Variants in SLC31A2 observed in about 807,000 individuals in gnomAD.
SLC31A2 encodes solute carrier family 31 member 2.
Under a neutral mutation model 14.4 loss-of-function variants are expected in SLC31A2, and 16 were observed. The ratio of observed to expected loss-of-function variants is 1.11; its 90% confidence interval spans 0.75 to 1.69. The LOEUF (loss-of-function observed/expected upper bound fraction) is 1.69. Ranked by LOEUF, SLC31A2 falls within the 40% of genes most tolerant of loss-of-function variation. The probability of loss-of-function intolerance (pLI) is 0.00; values close to 1 mark genes in which losing one functional copy is unlikely to be tolerated. For missense variants in SLC31A2, 140 were observed against 173.9 expected (o/e 0.81, Z 1.10); for synonymous variants, 56 against 68.7 (o/e 0.82, Z 0.91).
At chr9:113,153,405 A>G (rs72756152) in intron 1 of SLC31A2, among the ~76,000 whole-genome samples, 9,874 of 152,148 alleles carry the variant, frequency 0.065, 398 homozygotes, top group South Asian at 0.13. Context: ...CATGGTTCCT[A>G]TGATTTCTCA....
Position 113,157,751 on chromosome 9 carries a change from G to A in SLC31A2, c.31G>A (p.Ala11Thr). MAMHFIFSDTAVLLFDFWSVH... is the reference protein window; with the variant it reads MAMHFIFSDTTVLLFDFWSVH... ...GATGCATTTCATCTTCTCAGATACA[G>A]CGGTGCTTCTGTTTGATTTCTGGAG... Residue 11 changes from alanine to threonine, a missense_variant, in exon 2 of 4, where the codon GCG (alanine) becomes ACG (threonine). By Grantham distance (58) the Ala-to-Thr change is moderately conservative (BLOSUM62 0). Coordinates refer to ENST00000259392, the MANE Select transcript of SLC31A2 (RefSeq NM_001860.3). 6.2e-7 allele frequency: 1 copy of A among 1,613,188 alleles called. No homozygotes were observed. Among genetic ancestry groups the A allele is most frequent in the Non-Finnish European group, 8.5e-7 (1 of 1,179,532 alleles).
intron 2 of SLC31A2, 180 bp downstream of exon 2, chr9:113,157,973 A>G: frequency 1.5e-6 from 1 of 684,958 alleles, no homozygotes; most frequent in Non-Finnish European, 2.7e-6. Context: ...TCAGATCGCA[A>G]AGGGCTCCAT....
At chr9:113,159,739 C>G (rs1047056455) in intron 2 of SLC31A2, among the ~76,000 whole-genome samples, 1 of 152,208 alleles carries the variant, frequency 6.6e-6, no homozygotes, top group Non-Finnish European at 1.5e-5. Context: ...AAGGCTGCCC[C>G]CTGCTTCAGG....
chr9:113,155,080 C>T (rs1032856753), intron 1 of SLC31A2, among the ~76,000 whole-genome samples: 12 of 152,192 alleles, frequency 7.9e-5, no homozygotes, highest in Admixed American at 7.9e-4. Flanking sequence ...AACAACCGAA[C>T]GACAGCACAG....
chr9:113,153,245 G>A (rs745314277), intron 1 of SLC31A2, among the ~76,000 whole-genome samples: 3 of 151,446 alleles, frequency 2.0e-5, no homozygotes, highest in African/African-American at 7.3e-5. Context: ...GGGGTGGGGG[G>A]TAAAAGCTAT....
chr9:113,151,053 G>A lies in SLC31A2; in HGVS notation c.-22G>A. The A allele has an allele frequency of 7.7e-7, 1 of 1,306,732 alleles. No homozygotes were observed. Among genetic ancestry groups the A allele is most frequent in the Non-Finnish European group, 9.8e-7 (1 of 1,021,368 alleles). The allele number at this position is 1,306,732 out of a possible 1,614,324, so 80.9% of individuals were successfully genotyped here. A position where few individuals can be genotyped will look rare whatever the true frequency, so the allele number is the denominator to read the frequency against. ...ACCCGAGCGAGCAGACGCGGCCCTG[G>A]CGCCCGCCCTGCGCACTCACCATGG... On this transcript the variant is annotated 5_prime_UTR_variant, in exon 1 of 4. Transcript: ENST00000259392. The surrounding 1 kb of genome is among the most constrained non-coding windows in gnomAD (Gnocchi z 4.2).
Position 113,161,798 on chromosome 9 carries a change from C to T in SLC31A2, c.263+100C>T, listed in dbSNP as rs557611014. The T allele has an allele frequency of 6.7e-6, 9 of 1,345,970 alleles. No individual in the cohort carries two copies. In the African/African-American group the frequency reaches 8.6e-5, roughly 13 times the overall value. The allele number at this position is 1,345,970 out of a possible 1,614,324, so 83.4% of individuals were successfully genotyped here. ...TAGCCCCACTTCACAGAGAGGACAG[C>T]GAGGCCCAGGGAAGGACCAGGACTT... On this transcript the variant is annotated intron_variant, in intron 3 of 3. Coordinates refer to ENST00000259392, the MANE Select transcript of SLC31A2 (RefSeq NM_001860.3).
rs1470669044 is a variant in SLC31A2 at position 113,163,608 on chromosome 9, T to C, written c.*691T>C. On this transcript the variant is annotated 3_prime_UTR_variant, in exon 4 of 4. Transcript: ENST00000259392. ...CTATTTCCCTTTCTTGGGGAGAGAA[T>C]AAGTGACAGCTGATTAAAGGCAGAG... 2 of 152,422 alleles carry C rather than the reference T, an allele frequency of 1.3e-5. No individual in the cohort carries two copies. Among genetic ancestry groups the C allele is most frequent in the African/African-American group, 4.8e-5 (2 of 41,418 alleles). The allele number at this position is 152,422 out of a possible 1,614,324, so 9.4% of individuals were successfully genotyped here.
Position 113,161,598 on chromosome 9 carries a change from C to A in SLC31A2, c.163C>A (p.Leu55Met). 6.2e-7 allele frequency: 1 copy of A among 1,614,024 alleles called. No homozygotes were observed. The highest frequency in any genetic ancestry group is 8.5e-7 in the Non-Finnish European group (1 of 1,179,882). Residue 55 changes from leucine (L) to methionine (M), a missense_variant, in exon 3 of 4, where the codon CTG becomes ATG. By Grantham distance (15) the Leu-to-Met change is conservative. Transcript: ENST00000259392. ...VGKAKLLNQVLVNLPTSISQQ... is the reference protein window; with the variant it reads ...VGKAKLLNQVMVNLPTSISQQ... ...CAAAGCCAAGCTGCTCAACCAGGTA[C>A]TGGTGAACCTGCCAACCTCCATCAG...
intron 3 of SLC31A2, 104 bp from the exon 4 acceptor site, chr9:113,162,645 A>G (rs147146336): frequency 1.8e-5 from 19 of 1,056,364 alleles, no homozygotes; most frequent in Middle Eastern, 2.9e-4. Context: ...TTATAAATCA[A>G]TCGGGTCACG....
In SLC31A2 at chr9:113,163,725, A is replaced by G. The variant is rs1387017132; in HGVS notation, c.*808A>G. ...CTGCCTGCAGGAAGAAGATGATCTG[A>G]TGGCCGTGGGTGTCTGGGAAGCTCT... On this transcript the variant is annotated 3_prime_UTR_variant, in exon 4 of 4. Transcript: ENST00000259392. 2.0e-5 allele frequency: 3 copies of G among 152,448 alleles called. No individual in the cohort carries two copies. Among genetic ancestry groups the G allele is most frequent in the Admixed American group, 2.0e-4 (3 of 15,286 alleles). The allele number at this position is 152,448 out of a possible 1,614,324, so 9.4% of individuals were successfully genotyped here.
rs1320771120 is a variant in SLC31A2 at position 113,157,713 on chromosome 9, C to T, written c.7-14C>T. Reference sequence around the variant, plus strand: ...GCCCTGTGCCCCTATGATGCAGATTCCTTTCTCTTTCAGATGCATTTCATC... The same window carrying T: ...GCCCTGTGCCCCTATGATGCAGATTTCTTTCTCTTTCAGATGCATTTCATC... On this transcript the variant is annotated splice_polypyrimidine_tract_variant and intron_variant, in intron 1 of 3. Coordinates refer to ENST00000259392, the MANE Select transcript of SLC31A2 (RefSeq NM_001860.3). 6.2e-7 allele frequency: 1 copy of T among 1,607,520 alleles called. No homozygotes were observed.
chr9:113,161,911 G>A, intron 3 of SLC31A2: 1 of 668,506 alleles, frequency 1.5e-6, no homozygotes, highest in South Asian at 1.6e-5. Flanking sequence ...CCAGCCACTT[G>A]AGAGGCTCAG....
At chr9:113,152,078 G>GGCTAGGCTGGGAA (rs1829874580) in intron 1 of SLC31A2, 1 of 152,246 alleles carries the variant, frequency 6.6e-6, no homozygotes, top group African/African-American at 2.4e-5. Flanking sequence ...CCTAGCAACT[G>GGCTAGGCTGGGAA]GGACCTTCAT....
At position 113,162,820 on chromosome 9, in the gene SLC31A2, T is replaced by C; in HGVS notation, c.335T>C (p.Leu112Pro). Residue 112 changes from leucine to proline, a missense_variant, in exon 4 of 4, where the codon CTG becomes CCG. Transcript: ENST00000259392. ...GTGGTCATCGGCTACTTCATCATGC[T>C]GGCCGTAATGTCCTACAACACCTGG... is the stretch of plus-strand genomic sequence containing the variant. ...IQVVIGYFIM[L>P]AVMSYNTWIF... The C allele has an allele frequency of 6.2e-7, 1 of 1,613,898 alleles. No homozygotes were observed.
rs1014922714 is a variant in SLC31A2 at position 113,155,850 on chromosome 9, C to A, written c.7-1877C>A. ...GTGTGGATGGCTTTGCAGAGTTTTC[C>A]CCCAGCTCCCCTCGGAGGAAACTGA... On this transcript the variant is annotated intron_variant, in intron 1 of 3. Coordinates refer to ENST00000259392, the MANE Select transcript of SLC31A2 (RefSeq NM_001860.3). 2.6e-5 allele frequency: 8 copies of A among 313,606 alleles called. No individual in the cohort carries two copies. The Admixed American group carries it at 3.1e-4, about 12-fold the overall frequency. The allele number at this position is 313,606 out of a possible 1,614,324, so 19.4% of individuals were successfully genotyped here. A position where few individuals can be genotyped will look rare whatever the true frequency, so the allele number is the denominator to read the frequency against.
Position 113,162,946 on chromosome 9 carries a change from T to TGGAG in SLC31A2, c.*33_*36dup, listed in dbSNP as rs764912382. 6.5e-7 allele frequency: 1 copy of TGGAG among 1,549,710 alleles called. No homozygotes were observed. The highest frequency in any genetic ancestry group is 8.7e-7 in the Non-Finnish European group (1 of 1,146,906). ...GTGAGGAACGTGCAGGCACTGAGGC[T>TGGAG]GGAGGGACATGGAGCCCCCTCTTCC... On this transcript the variant is annotated 3_prime_UTR_variant, in exon 4 of 4. Transcript: ENST00000259392.
Position 113,157,737 on chromosome 9 carries a change from T to G in SLC31A2, c.17T>G (p.Ile6Ser). The G allele has an allele frequency of 6.2e-7, 1 of 1,612,728 alleles. No homozygotes were observed. The highest frequency in any genetic ancestry group is 8.5e-7 in the Non-Finnish European group (1 of 1,179,258). The change falls in exon 2 of 4, where the codon ATC becomes AGC. Residue 6 changes from isoleucine to serine, a missense_variant. Transcript: ENST00000259392. MAMHF[I>S]FSDTAVLLFD... ...TCCTTTCTCTTTCAGATGCATTTCA[T>G]CTTCTCAGATACAGCGGTGCTTCTG...
chr9:113,158,942 C>T (rs913083553), intron 2 of SLC31A2, among the ~76,000 whole-genome samples: 3 of 152,018 alleles, frequency 2.0e-5, no homozygotes, highest in East Asian at 1.9e-4. Flanking sequence ...ATCACAGATA[C>T]GATGAAGCCA....
Sources: allele counts gnomAD v4.1 joint callset (sites outside exome capture counted in the v4.1 genomes callset), GRCh38; gene constraint gnomAD v4.1.1; non-coding constraint Gnocchi (gnomAD v3.1); transcripts MANE v1.5; gene names NCBI Gene and HGNC (gene_info 2026-07-23, HGNC 2026-07-21).